STIM2: variants seen among roughly 807,000 people sequenced by gnomAD.
The protein encoded by STIM2 is stromal interaction molecule 2.
In STIM2, 31 loss-of-function variants were observed where a neutral mutation model predicts 85.8. That is an observed-to-expected ratio of 0.36 (90% confidence interval 0.27 to 0.49). The LOEUF (loss-of-function observed/expected upper bound fraction) is 0.49, where lower values mean the gene tolerates loss of function less well. STIM2 is among the 20% of genes least tolerant of loss of function. The probability of loss-of-function intolerance (pLI) is 0.98; values close to 1 mark genes in which losing one functional copy is unlikely to be tolerated. For missense variants in STIM2, 841 were observed against 927.6 expected (o/e 0.91, Z 1.21); for synonymous variants, 356 against 331.1 (o/e 1.08, Z -0.82).
At chr4:26,934,085 T>C (rs1003188428) in intron 2 of STIM2, among the ~76,000 whole-genome samples, 1 of 152,066 alleles carries the variant, frequency 6.6e-6, no homozygotes, top group Non-Finnish European at 1.5e-5. Context: ...TCCCAGCTAC[T>C]TGGGAGGCTG....
At chr4:26,892,516 T>C (rs1723532196) in intron 1 of STIM2, among the ~76,000 whole-genome samples, 1 of 152,164 alleles carries the variant, frequency 6.6e-6, no homozygotes, top group Non-Finnish European at 1.5e-5. Flanking sequence ...GATTTTAACA[T>C]ATGAATTTTT....
At chr4:26,864,695 CAT>C (rs987197849) in intron 1 of STIM2, among the ~76,000 whole-genome samples, 16 of 152,026 alleles carry the variant, frequency 1.1e-4, no homozygotes, top group African/African-American at 3.4e-4. Flanking sequence ...TTAGAAATAA[CAT>C]ATATAAAAAC....
intron 2 of STIM2, among the ~76,000 whole-genome samples, chr4:26,935,663 G>A (rs1725366223): frequency 6.6e-6 from 1 of 152,076 alleles, no homozygotes; most frequent in Admixed American, 6.6e-5. Flanking sequence ...AAATCCTCTG[G>A]GTGATTCTGA....
At chr4:26,976,242 C>T (rs932325180) in intron 3 of STIM2, among the ~76,000 whole-genome samples, 11 of 152,176 alleles carry the variant, frequency 7.2e-5, no homozygotes, top group Non-Finnish European at 1.0e-4. Flanking sequence ...GCTCGCCCTC[C>T]GTTGGCTGCA....
chr4:26,881,103 T>C (rs1023475200), intron 1 of STIM2, among the ~76,000 whole-genome samples: 6 of 152,154 alleles, frequency 3.9e-5, no homozygotes, highest in Admixed American at 1.3e-4. Context: ...CTAAGAGTTA[T>C]AGCGTTTGGG....
chr4:26,983,599 A>G (rs1727480834), intron 3 of STIM2, among the ~76,000 whole-genome samples: 1 of 152,190 alleles, frequency 6.6e-6, no homozygotes, highest in South Asian at 2.1e-4. Flanking sequence ...TAATTTTTCT[A>G]TTATTGAAGA....
At chr4:26,917,378 G>T (rs1039952852) in intron 1 of STIM2, among the ~76,000 whole-genome samples, 3 of 152,076 alleles carry the variant, frequency 2.0e-5, no homozygotes, top group Admixed American at 6.5e-5. Flanking sequence ...GTTCACCATG[G>T]TATTTCTGGT....
intron 2 of STIM2, among the ~76,000 whole-genome samples, chr4:26,946,646 C>A (rs1003469978): frequency 1.3e-5 from 2 of 152,198 alleles, no homozygotes; most frequent in African/African-American, 4.8e-5. Flanking sequence ...TCTGACTTTC[C>A]GATGGCATAT....
rs202176684 is a variant in STIM2 at position 26,992,228 on chromosome 4, T to C, written c.398-3151T>C. 6.6e-5 allele frequency among the ~76,000 whole-genome samples: 10 copies of C among 152,300 alleles called. No individual in the cohort carries two copies. In the East Asian group the frequency reaches 1.5e-3, roughly 23 times the overall value. On this transcript the variant is annotated intron_variant, in intron 3 of 11. Coordinates refer to ENST00000467087, the MANE Select transcript of STIM2 (RefSeq NM_020860.4). ...TAAAATTAGATTTTCATAAGACTTA[T>C]TAATTAAACATGTTCTACGTCATTC...
chr4:27,006,802 C>T lies in STIM2; in HGVS notation c.982-731C>T, dbSNP rs139026336. 4.8e-3 allele frequency among the ~76,000 whole-genome samples: 727 copies of T among 152,252 alleles called. 25 individuals are homozygous for T. The highest frequency in any genetic ancestry group is 0.042 in the Admixed American group (649 of 15,290). ...ATGCATAGTTTCTCATGAGAAAAAT[C>T]AAGTAGACTCTCAGAATCTGTTTTC... On this transcript the variant is annotated intron_variant, in intron 7 of 11. Coordinates refer to ENST00000467087, the MANE Select transcript of STIM2 (RefSeq NM_020860.4).
chr4:26,945,412 G>A (rs1725783355), intron 2 of STIM2, among the ~76,000 whole-genome samples: 1 of 152,128 alleles, frequency 6.6e-6, no homozygotes, highest in Non-Finnish European at 1.5e-5. Context: ...ACATACATAT[G>A]CATGTGTCTT....
intron 4 of STIM2, among the ~76,000 whole-genome samples, chr4:26,997,101 C>T (rs1577486806): frequency 6.6e-6 from 1 of 152,102 alleles, no homozygotes; most frequent in Non-Finnish European, 1.5e-5. Context: ...ACAGTAAACT[C>T]TTCCTTAAGC....
intron 1 of STIM2, among the ~76,000 whole-genome samples, chr4:26,917,236 T>C (rs1257744566): frequency 6.6e-5 from 10 of 152,204 alleles, no homozygotes; most frequent in Non-Finnish European, 1.5e-4. Context: ...TCCCTTGACA[T>C]TTCATATCTG....
rs1723289205 is a variant in STIM2, at chr4:26,887,246, T to C, written c.151+25877T>C. ...TCCGTGATCCCTTTAAAACTTAGAA[T>C]TTATTTGAGCTTTTTTTCTTTACTG... On this transcript the variant is annotated intron_variant, in intron 1 of 11. Transcript: ENST00000467087. Among the ~76,000 whole-genome samples the C allele has an allele frequency of 2.7e-5, 4 of 146,600 alleles. No homozygotes were observed. The South Asian group carries it at 8.7e-4, about 32-fold the overall frequency.
chr4:27,007,708 CTT>C lies in STIM2; in HGVS notation c.1149+9_1149+10del. ...GCTATTGCTAAAGATGAGGTACTCT[CTT>C]GTATTTCAAAATTTACTAAATTTGT... On this transcript the variant is annotated intron_variant, in intron 8 of 11. Coordinates refer to ENST00000467087, the MANE Select transcript of STIM2 (RefSeq NM_020860.4). The C allele has an allele frequency of 1.9e-6, 3 of 1,544,846 alleles. No homozygotes were observed. Among genetic ancestry groups the C allele is most frequent in the Non-Finnish European group, 2.6e-6 (3 of 1,147,882 alleles).
At chr4:26,867,599 A>G (rs999413440) in intron 1 of STIM2, among the ~76,000 whole-genome samples, 8 of 152,244 alleles carry the variant, frequency 5.3e-5, no homozygotes, top group Admixed American at 6.5e-5. Flanking sequence ...ATGAATAACA[A>G]TATTTCAGAC....
At position 27,008,877 on chromosome 4, in the gene STIM2, C is replaced by A. The variant is rs1457401458; in HGVS notation, c.1364C>A (p.Thr455Asn). The A allele has an allele frequency of 6.2e-7, 1 of 1,614,152 alleles. No homozygotes were observed. Among genetic ancestry groups the A allele is most frequent in the Admixed American group, 1.7e-5 (1 of 60,024 alleles). The change falls in exon 10 of 12, where the codon ACC (threonine) becomes AAC (asparagine). Residue 455 changes from threonine to asparagine, a missense_variant. Coordinates refer to ENST00000467087, the MANE Select transcript of STIM2 (RefSeq NM_020860.4). ...CATAACTCAGGACTCCCCAGCCTGA[C>A]CTCTTCCCTTTATTCTGATCACAGC...
chr4:26,942,489 G>A (rs2109082687), intron 2 of STIM2, among the ~76,000 whole-genome samples: 1 of 152,106 alleles, frequency 6.6e-6, no homozygotes, highest in African/African-American at 2.4e-5. Context: ...AAGGACTTCT[G>A]TACTGTTTCT....
chr4:26,986,154 A>G (rs1727578455), intron 3 of STIM2, among the ~76,000 whole-genome samples: 3 of 152,196 alleles, frequency 2.0e-5, no homozygotes, highest in Non-Finnish European at 4.4e-5. Context: ...TAAACCAAGG[A>G]TTATAATATT....
Sources: allele counts gnomAD v4.1 joint callset (sites outside exome capture counted in the v4.1 genomes callset), GRCh38; gene constraint gnomAD v4.1.1; transcripts MANE v1.5; gene names NCBI Gene and HGNC (gene_info 2026-07-23, HGNC 2026-07-21).